Variants in SPEF2 observed in about 807,000 individuals in gnomAD.
The protein encoded by SPEF2 is sperm flagella and cilia-associated protein 2.
A neutral mutation model predicts 224.6 loss-of-function variants in SPEF2; 187 were observed. The ratio of observed to expected loss-of-function variants is 0.83; its 90% CI spans 0.74 to 0.94. The LOEUF (loss-of-function observed/expected upper bound fraction) is 0.94, where lower values mean the gene tolerates loss of function less well. Ranked by LOEUF, SPEF2 falls within the 40% of genes least tolerant of loss-of-function variation. The pLI is 0.00. For missense variants in SPEF2, 2,170 were observed against 2,135.6 expected (o/e 1.02, Z -0.32); for synonymous variants, 715 against 707.3 (o/e 1.01, Z -0.17).
chr5:35,695,131 A>G (rs1195508693), intron 13 of SPEF2, among the ~76,000 whole-genome samples: 3 of 152,180 alleles, frequency 2.0e-5, no homozygotes, highest in African/African-American at 4.8e-5. Flanking sequence ...AGAGGACACT[A>G]TCTGTCCCTT....
chr5:35,695,727 A>C lies in SPEF2; in HGVS notation c.1976-8A>C. ...GAAATTTGTTCTTACCACTTTTCCT[A>C]TTGCTAGGTGCTAATGCTGATAAAA... is the stretch of plus-strand genomic sequence containing the variant. On this transcript the variant is annotated splice_region_variant and splice_polypyrimidine_tract_variant and intron_variant, in intron 13 of 36. Coordinates refer to ENST00000356031, the MANE Select transcript of SPEF2 (RefSeq NM_024867.4). The C allele has an allele frequency of 6.2e-7, 1 of 1,605,672 alleles. No individual in the cohort carries two copies. Among genetic ancestry groups the C allele is most frequent in the Non-Finnish European group, 8.5e-7 (1 of 1,176,222 alleles).
chr5:35,642,646 T>G (rs1746764502), intron 3 of SPEF2, among the ~76,000 whole-genome samples: 1 of 152,232 alleles, frequency 6.6e-6, no homozygotes, highest in Non-Finnish European at 1.5e-5. Context: ...TTCTCTCCAG[T>G]TTTTATGCAA....
intron 15 of SPEF2, 95 bp from the exon 16 acceptor site, chr5:35,700,401 T>C (rs1738365468): frequency 1.8e-6 from 2 of 1,118,486 alleles, no homozygotes; most frequent in Non-Finnish European, 2.6e-6. Flanking sequence ...TAGGAAGTTA[T>C]TGTGGAATTG....
At chr5:35,725,275 C>A (rs114925290) in intron 20 of SPEF2, among the ~76,000 whole-genome samples, 1 of 152,142 alleles carries the variant, frequency 6.6e-6, no homozygotes, top group Non-Finnish European at 1.5e-5. Context: ...AAAAGTTGTT[C>A]TTTGCTGAAC....
At chr5:35,731,401 C>G (rs534525527) in intron 21 of SPEF2, among the ~76,000 whole-genome samples, 4 of 152,272 alleles carry the variant, frequency 2.6e-5, no homozygotes, top group African/African-American at 9.6e-5. Context: ...CAGTACCCCT[C>G]TATTATTCTT....
At chr5:35,762,243 T>C (rs2149754923) in intron 25 of SPEF2, among the ~76,000 whole-genome samples, 1 of 152,304 alleles carries the variant, frequency 6.6e-6, no homozygotes, top group Admixed American at 6.5e-5. Flanking sequence ...CAGAGTTCTT[T>C]CCAGTAAATA....
chr5:35,753,981 A>G (rs1183409494), intron 24 of SPEF2, among the ~76,000 whole-genome samples: 1 of 152,158 alleles, frequency 6.6e-6, no homozygotes, highest in African/African-American at 2.4e-5. Context: ...ATCCCAAGCA[A>G]CTACCCACCA....
intron 10 of SPEF2, among the ~76,000 whole-genome samples, chr5:35,685,861 C>CAA (rs374830821): frequency 0.014 from 1,793 of 130,870 alleles, 28 homozygotes; most frequent in East Asian, 0.067. Flanking sequence ...ATACCTTCCT[C>CAA]AAAAAAAAAA....
At chr5:35,746,027 C>T (rs1187754241) in intron 23 of SPEF2, among the ~76,000 whole-genome samples, 7 of 152,286 alleles carry the variant, frequency 4.6e-5, no homozygotes, top group East Asian at 3.9e-4. Context: ...AGTACCAACC[C>T]GGAGCAGGGT....
At chr5:35,755,902 A>AAT (rs1750371945) in intron 24 of SPEF2, among the ~76,000 whole-genome samples, 1 of 152,020 alleles carries the variant, frequency 6.6e-6, no homozygotes. Context: ...GAGCCACCAC[A>AAT]CCCAGCCTAC....
intron 20 of SPEF2, among the ~76,000 whole-genome samples, chr5:35,718,945 A>G (rs899518322): frequency 1.3e-5 from 2 of 152,162 alleles, no homozygotes; most frequent in Admixed American, 1.3e-4. Flanking sequence ...TTAAGGTGAG[A>G]GGAGAGGAAA....
At chr5:35,646,457 C>A in intron 4 of SPEF2, 2 of 410,462 alleles carry the variant, frequency 4.9e-6, no homozygotes, top group South Asian at 5.4e-5. Context: ...TTGCAGATTC[C>A]AGAATTGTGT....
chr5:35,700,219 A>C (rs1738320249), intron 15 of SPEF2: 1 of 388,934 alleles, frequency 2.6e-6, no homozygotes, highest in Admixed American at 4.1e-5. Flanking sequence ...CTTTATCAGC[A>C]GCATGGAAAG....
intron 2 of SPEF2, among the ~76,000 whole-genome samples, chr5:35,628,876 A>AC: frequency 6.6e-6 from 1 of 151,824 alleles, no homozygotes; most frequent in Admixed American, 6.6e-5. Context: ...ACATGTGTGC[A>AC]CCCCCGCTTC....
rs200582077 is a variant in SPEF2 at position 35,769,434 on chromosome 5, AC to A, written c.3802-2173del. 2.0e-3 allele frequency among the ~76,000 whole-genome samples: 305 copies of A among 152,216 alleles called. 12 individuals are homozygous for A. The East Asian group carries it at 0.045, about 23-fold the overall frequency. ...AGAAAGAAAGAAAAAGACAAAAAAA[AC>A]CACAAAGAAATCTGCTTGCTCTCTG... On this transcript the variant is annotated intron_variant, in intron 26 of 36. Transcript: ENST00000356031.
intron 32 of SPEF2, 110 bp from the exon 33 acceptor site, chr5:35,795,593 T>C: frequency 1.2e-6 from 1 of 814,790 alleles, no homozygotes; most frequent in Non-Finnish European, 1.9e-6. Flanking sequence ...TGCATCCTAC[T>C]TGGGAGACAA....
At chr5:35,799,323 C>T (rs557403261) in intron 33 of SPEF2, among the ~76,000 whole-genome samples, 9 of 152,300 alleles carry the variant, frequency 5.9e-5, no homozygotes, top group Admixed American at 2.0e-4. Flanking sequence ...GGATATTTGA[C>T]TCCCAGGCAC....
rs1228065064 is a variant in SPEF2, at chr5:35,773,969, T to C, written c.4026T>C (p.Asn1342=). The C allele has an allele frequency of 1.9e-6, 3 of 1,612,994 alleles. No homozygotes were observed. Among genetic ancestry groups the C allele is most frequent in the Non-Finnish European group, 2.5e-6 (3 of 1,179,528 alleles). ...TEEIAEIKRK[N]ELRVKIKEEH... ...AAATTGCTGAAATCAAAAGGAAAAA[T>C]GAACTGAGGGTCAAAATAAAAGAAG... The change falls in exon 28 of 37, where the codon AAT becomes AAC. Residue 1342 remains asparagine, a synonymous_variant. Coordinates refer to ENST00000356031, the MANE Select transcript of SPEF2 (RefSeq NM_024867.4).
chr5:35,644,011 G>A (rs1160716484), intron 3 of SPEF2, among the ~76,000 whole-genome samples: 2 of 151,970 alleles, frequency 1.3e-5, no homozygotes, highest in South Asian at 4.2e-4. Flanking sequence ...TCTCTTATAT[G>A]TTAAAGTTGG....
Sources: allele counts gnomAD v4.1 joint callset (sites outside exome capture counted in the v4.1 genomes callset), GRCh38; gene constraint gnomAD v4.1.1; transcripts MANE v1.5; gene names NCBI Gene and HGNC (gene_info 2026-07-23, HGNC 2026-07-21).